Variants in DLG2 observed in about 807,000 individuals in gnomAD.
DLG2 encodes disks large homolog 2.
A neutral mutation model predicts 132.5 loss-of-function variants in DLG2; 45 were observed. The ratio of observed to expected loss-of-function variants is 0.34; its 90% CI spans 0.27 to 0.44. The LOEUF (loss-of-function observed/expected upper bound fraction) is 0.44, where lower values mean the gene tolerates loss of function less well. DLG2 is among the 20% of genes least tolerant of loss of function. The pLI is 1.00. For synonymous variants in DLG2, 424 were observed against 419.6 expected, an observed-to-expected ratio of 1.01 and a Z score of -0.13; for missense variants, 1,045 against 1,196.9, an observed-to-expected ratio of 0.87 and a Z score of 1.87.
intron 11 of DLG2, among the ~76,000 whole-genome samples, chr11:84,018,191 C>T (rs759266585): frequency 6.6e-6 from 1 of 151,820 alleles, no homozygotes; most frequent in Non-Finnish European, 1.5e-5. Context: ...ATATATTAAA[C>T]TGCTAGGTAT....
chr11:85,219,970 A>C lies in DLG2; in HGVS notation c.186+65250T>G, dbSNP rs902340398. Among the ~76,000 whole-genome samples, 6 of 151,890 alleles carry C rather than the reference A, an allele frequency of 4.0e-5. No individual in the cohort carries two copies. The East Asian group carries it at 1.2e-3, about 29-fold the overall frequency. ...TATGAAACCGAAACTTCCCACAAGA[A>C]ATTACAACTGCTTTTTGTCTTAATT... is the stretch of plus-strand genomic sequence containing the variant. On this transcript the variant is annotated intron_variant, in intron 4 of 27. Coordinates refer to ENST00000376104, the MANE Select transcript of DLG2 (RefSeq NM_001142699.3).
intron 7 of DLG2, among the ~76,000 whole-genome samples, chr11:84,405,008 A>G (rs1164021485): frequency 6.6e-6 from 1 of 152,182 alleles, no homozygotes; most frequent in Non-Finnish European, 1.5e-5. Flanking sequence ...AAAAGGGACA[A>G]TGTTGATATG....
At chr11:85,060,486 T>C (rs1171887073) in intron 6 of DLG2, among the ~76,000 whole-genome samples, 1 of 151,018 alleles carries the variant, frequency 6.6e-6, no homozygotes. Flanking sequence ...TGTGTATATA[T>C]ATATACACGC....
In DLG2 at chr11:84,344,463, TC is replaced by T. The variant is rs2098530172; in HGVS notation, c.520-93173del. 2.0e-5 allele frequency among the ~76,000 whole-genome samples: 3 copies of T among 152,306 alleles called. No homozygotes were observed. The South Asian group carries it at 6.2e-4, about 32-fold the overall frequency. On this transcript the variant is annotated intron_variant, in intron 7 of 27. Coordinates refer to ENST00000376104, the MANE Select transcript of DLG2 (RefSeq NM_001142699.3). ...TGACTACCCTTAAACCTACACCTCTTCTAATGGAAGAAAACTGGAGAAAGTA... is the reference window on the plus strand; with the variant it reads ...TGACTACCCTTAAACCTACACCTCTTTAATGGAAGAAAACTGGAGAAAGTA...
At chr11:84,584,659 C>A (rs968987065) in intron 6 of DLG2, among the ~76,000 whole-genome samples, 1 of 145,268 alleles carries the variant, frequency 6.9e-6, no homozygotes, top group Non-Finnish European at 1.5e-5. Flanking sequence ...AGCTGCTGTA[C>A]CTGGCCCAGC....
intron 8 of DLG2, among the ~76,000 whole-genome samples, chr11:84,183,621 A>G (rs1014898706): frequency 5.3e-5 from 8 of 152,260 alleles, no homozygotes; most frequent in Admixed American, 3.3e-4. Context: ...ACATGTGCAC[A>G]ATGTGCAGGT....
chr11:85,238,242 T>C (rs934792896), intron 4 of DLG2, among the ~76,000 whole-genome samples: 27 of 145,922 alleles, frequency 1.9e-4, no homozygotes, highest in Non-Finnish European at 3.1e-4. Context: ...TATTTATTTA[T>C]TTATTTATTT....
At chr11:84,946,421 G>C (rs1450275835) in intron 6 of DLG2, among the ~76,000 whole-genome samples, 2 of 152,066 alleles carry the variant, frequency 1.3e-5, no homozygotes, top group Admixed American at 1.3e-4. Flanking sequence ...TCATTAGTCA[G>C]CAGGTGTTGA....
At chr11:85,087,113 C>T (rs2068035769) in intron 6 of DLG2, among the ~76,000 whole-genome samples, 1 of 152,088 alleles carries the variant, frequency 6.6e-6, no homozygotes, top group South Asian at 2.1e-4. Context: ...AACTCTATGC[C>T]TCAGGCATTA....
In DLG2 at chr11:84,545,837, C is replaced by T. The variant is rs964889541; in HGVS notation, c.358-11106G>A. 6 of 155,980 alleles carry T rather than the reference C, an allele frequency of 3.8e-5. No individual in the cohort carries two copies. The Admixed American group carries it at 4.0e-4, about 10-fold the overall frequency. 9.7% of individuals were successfully genotyped at this position (155,980 alleles called of 1,614,324 possible). A position where few individuals can be genotyped will look rare whatever the true frequency, so the allele number is the denominator to read the frequency against. ...GTGGTGCAATCTCTGCTCACTGCAA[C>T]CTCTGCCTCCTGAGTTTAAGTGATT... On this transcript the variant is annotated intron_variant, in intron 6 of 27. Coordinates refer to ENST00000376104, the MANE Select transcript of DLG2 (RefSeq NM_001142699.3).
chr11:84,421,110 T>C (rs1567590729), intron 7 of DLG2, among the ~76,000 whole-genome samples: 1 of 152,144 alleles, frequency 6.6e-6, no homozygotes, highest in Non-Finnish European at 1.5e-5. Flanking sequence ...GAACACTCCC[T>C]TCCCCTTCAA....
chr11:84,737,555 G>T (rs1470923805), intron 6 of DLG2, among the ~76,000 whole-genome samples: 1 of 151,910 alleles, frequency 6.6e-6, no homozygotes, highest in African/African-American at 2.4e-5. Context: ...TTTTGTGTGT[G>T]GGAAGGTTTA....
chr11:85,419,211 G>C (rs1190148573), intron 3 of DLG2, among the ~76,000 whole-genome samples: 2 of 152,058 alleles, frequency 1.3e-5, no homozygotes, highest in Non-Finnish European at 2.9e-5. Flanking sequence ...TGAAATTCTG[G>C]GTTGAAAATT....
intron 6 of DLG2, among the ~76,000 whole-genome samples, chr11:84,884,297 G>A (rs2087860164): frequency 6.6e-6 from 1 of 151,196 alleles, no homozygotes; most frequent in African/African-American, 2.4e-5. Flanking sequence ...AGGCTATGAG[G>A]TCTTAGTGTG....
At chr11:84,660,135 A>T (rs2154547827) in intron 6 of DLG2, among the ~76,000 whole-genome samples, 1 of 152,212 alleles carries the variant, frequency 6.6e-6, no homozygotes, top group East Asian at 1.9e-4. Flanking sequence ...CAGAATTGAT[A>T]CCACATGATC....
intron 6 of DLG2, among the ~76,000 whole-genome samples, chr11:85,111,220 A>G (rs1187269498): frequency 6.6e-6 from 1 of 152,146 alleles, no homozygotes; most frequent in African/African-American, 2.4e-5. Flanking sequence ...TACTATGCAA[A>G]TGCAGAGACT....
chr11:83,817,452 G>A (rs957005279), intron 17 of DLG2, among the ~76,000 whole-genome samples: 36 of 152,188 alleles, frequency 2.4e-4, no homozygotes, highest in Non-Finnish European at 1.8e-4. Context: ...GGCTGGACAA[G>A]TTAAGAGAAG....
At chr11:85,338,458 C>T (rs932452132) in intron 3 of DLG2, among the ~76,000 whole-genome samples, 1 of 152,042 alleles carries the variant, frequency 6.6e-6, no homozygotes, top group Non-Finnish European at 1.5e-5. Context: ...GGTCATCCAT[C>T]TATAATACAA....
At chr11:85,055,301 T>C (rs2063338700) in intron 6 of DLG2, among the ~76,000 whole-genome samples, 1 of 152,188 alleles carries the variant, frequency 6.6e-6, no homozygotes, top group Non-Finnish European at 1.5e-5. Context: ...TATGATAAAC[T>C]AATTTATAAC....
Sources: gnomAD v4.1 joint callset for allele counts (sites outside exome capture counted in the v4.1 genomes callset) on GRCh38, gnomAD v4.1.1 for gene constraint, MANE v1.5 for transcripts, NCBI Gene and HGNC (gene_info 2026-07-23, HGNC 2026-07-21) for gene names.